CNTN5: variants seen among roughly 807,000 people sequenced by gnomAD.
CNTN5 encodes contactin-5.
A neutral mutation model predicts 129.1 loss-of-function variants in CNTN5; 77 were observed. The observed-to-expected ratio is 0.60, with a 90% CI of 0.50 to 0.72. The LOEUF is 0.72. Among genes scored for constraint, CNTN5 ranks in the 30% least tolerant of loss-of-function variants. The pLI, the probability that CNTN5 is intolerant of heterozygous loss-of-function variation, is 0.00. For synonymous variants in CNTN5, 509 were observed against 465.6 expected, an observed-to-expected ratio of 1.09 and a Z score of -1.20; for missense variants, 1,478 against 1,328.8, an observed-to-expected ratio of 1.11 and a Z score of -1.75.
intron 1 of CNTN5, among the ~76,000 whole-genome samples, chr11:99,079,742 T>C (rs1453421447): frequency 6.6e-6 from 1 of 152,208 alleles, no homozygotes; most frequent in Non-Finnish European, 1.5e-5. Flanking sequence ...CTTCTTTGCC[T>C]TTGTACATCC....
At chr11:99,902,258 TTA>T (rs1949378314) in intron 6 of CNTN5, among the ~76,000 whole-genome samples, 1 of 151,274 alleles carries the variant, frequency 6.6e-6, no homozygotes, top group African/African-American at 2.4e-5. Context: ...TTTTTTTTTT[TTA>T]ACATTTTTAA....
chr11:100,202,637 G>A (rs1948809061), intron 15 of CNTN5, among the ~76,000 whole-genome samples: 1 of 151,718 alleles, frequency 6.6e-6, no homozygotes, highest in African/African-American at 2.4e-5. Context: ...CAGTTTCATT[G>A]TCTGAGTAAG....
intron 3 of CNTN5, among the ~76,000 whole-genome samples, chr11:99,594,875 T>C (rs1395576158): frequency 6.6e-6 from 1 of 152,232 alleles, no homozygotes; most frequent in Non-Finnish European, 1.5e-5. Context: ...ATAGGACACA[T>C]AGGTGATAAT....
At chr11:100,025,681 A>G (rs1407822744) in intron 9 of CNTN5, among the ~76,000 whole-genome samples, 1 of 152,186 alleles carries the variant, frequency 6.6e-6, no homozygotes, top group Non-Finnish European at 1.5e-5. Context: ...ATGACCTGGA[A>G]GTGAGATACA....
chr11:99,484,854 C>G lies in CNTN5; in HGVS notation c.-70-71291C>G, dbSNP rs529959077. ...CAAAAACACATACAAACAACAACAA[C>G]AAAACACTTTATCTCATAGAAGTAA... On this transcript the variant is annotated intron_variant, in intron 2 of 24. Coordinates refer to ENST00000524871, the MANE Select transcript of CNTN5 (RefSeq NM_014361.4). Among the ~76,000 whole-genome samples, 4 of 152,106 alleles carry G rather than the reference C, an allele frequency of 2.6e-5. No homozygotes were observed. In the South Asian group the frequency reaches 8.3e-4, roughly 32 times the overall value.
chr11:99,669,042 G>A (rs548224830), intron 3 of CNTN5, among the ~76,000 whole-genome samples: 68 of 152,174 alleles, frequency 4.5e-4, no homozygotes, highest in African/African-American at 1.4e-3. Context: ...TGATGCACGC[G>A]TGGATATTTG....
chr11:99,765,483 G>C (rs1944721909), intron 3 of CNTN5, among the ~76,000 whole-genome samples: 1 of 151,740 alleles, frequency 6.6e-6, no homozygotes, highest in South Asian at 2.1e-4. Context: ...CTAATCTATA[G>C]TACTAGAATT....
intron 1 of CNTN5, among the ~76,000 whole-genome samples, chr11:99,191,251 G>A (rs1021152964): frequency 1.3e-5 from 2 of 151,622 alleles, no homozygotes; most frequent in African/African-American, 4.8e-5. Flanking sequence ...ATAGTATTTT[G>A]TTGAGGTTTT....
At position 99,038,100 on chromosome 11, in the gene CNTN5, A is replaced by T. The variant is rs77679384; in HGVS notation, c.-210+16830A>T. ...CATTGAAAAATACTTCATAAAGAACAATTACCTTTAGTGAGGTATAACACA... is the reference window on the plus strand; with the variant it reads ...CATTGAAAAATACTTCATAAAGAACTATTACCTTTAGTGAGGTATAACACA... On this transcript the variant is annotated intron_variant, in intron 1 of 24. Transcript: ENST00000524871. Among the ~76,000 whole-genome samples, 515 of 152,242 alleles carry T rather than the reference A, an allele frequency of 3.4e-3. 2 individuals are homozygous for T. Among genetic ancestry groups the T allele is most frequent in the African/African-American group, 0.012 (494 of 41,550 alleles).
chr11:99,166,308 A>G (rs1171488256), intron 1 of CNTN5, among the ~76,000 whole-genome samples: 1 of 151,698 alleles, frequency 6.6e-6, no homozygotes, highest in Non-Finnish European at 1.5e-5. Flanking sequence ...AGGCTGAGGC[A>G]GAAGAACCTC....
intron 13 of CNTN5, among the ~76,000 whole-genome samples, chr11:100,127,095 ATTTTTTTTTTT>A (rs5794039): frequency 1.9e-4 from 16 of 85,610 alleles, no homozygotes; most frequent in Non-Finnish European, 2.4e-4. Flanking sequence ...TGCGCAGCTA[ATTTTTTTTTTT>A]TTTTTTTTTT....
intron 1 of CNTN5, among the ~76,000 whole-genome samples, chr11:99,272,619 G>T (rs183523610): frequency 2.0e-5 from 3 of 151,450 alleles, no homozygotes; most frequent in Non-Finnish European, 4.4e-5. Context: ...CTCACATTTA[G>T]ATATATCCTG....
intron 21 of CNTN5, among the ~76,000 whole-genome samples, chr11:100,313,682 C>T (rs1780099571): frequency 6.6e-6 from 1 of 151,922 alleles, no homozygotes; most frequent in South Asian, 2.1e-4. Flanking sequence ...AGGAAAGCAT[C>T]TGAGGACAAA....
chr11:99,928,374 T>C (rs185490228), intron 7 of CNTN5, among the ~76,000 whole-genome samples: 1 of 152,282 alleles, frequency 6.6e-6, no homozygotes, highest in Admixed American at 6.5e-5. Context: ...CAATCCCACA[T>C]TTGCCTTCCA....
intron 1 of CNTN5, among the ~76,000 whole-genome samples, chr11:99,108,248 G>T (rs944069722): frequency 6.6e-6 from 1 of 152,080 alleles, no homozygotes; most frequent in African/African-American, 2.4e-5. Flanking sequence ...ACACTTTAAT[G>T]CTAAAGACAA....
chr11:100,192,035 C>T (rs1243719374), intron 14 of CNTN5, among the ~76,000 whole-genome samples: 2 of 151,718 alleles, frequency 1.3e-5, no homozygotes, highest in Non-Finnish European at 2.9e-5. Flanking sequence ...GTAATTAATA[C>T]ATTTACATTA....
intron 1 of CNTN5, among the ~76,000 whole-genome samples, chr11:99,168,483 G>A (rs1860989661): frequency 6.6e-6 from 1 of 152,208 alleles, no homozygotes; most frequent in South Asian, 2.1e-4. Flanking sequence ...GGGAGGTTGA[G>A]GCAGGATAAT....
intron 1 of CNTN5, among the ~76,000 whole-genome samples, chr11:99,105,592 C>T (rs564224344): frequency 8.8e-4 from 134 of 152,092 alleles, no homozygotes; most frequent in African/African-American, 3.2e-3. Flanking sequence ...ATTTTTTAAC[C>T]CCACTTTCTA....
chr11:99,547,519 A>G (rs555815180), intron 2 of CNTN5, among the ~76,000 whole-genome samples: 2 of 152,306 alleles, frequency 1.3e-5, no homozygotes, highest in East Asian at 3.9e-4. Context: ...TATCTGTTTT[A>G]TTACCAAACA....
Sources: allele counts gnomAD v4.1 joint callset (sites outside exome capture counted in the v4.1 genomes callset), GRCh38; gene constraint gnomAD v4.1.1; transcripts MANE v1.5; gene names NCBI Gene and HGNC (gene_info 2026-07-23, HGNC 2026-07-21).